The following RSF1 variants were observed in gnomAD, a reference collection of about 807,000 sequenced individuals.
RSF1 encodes the protein remodeling and spacing factor 1, also known as HBV pX-associated protein 8.
A neutral mutation model predicts 145.2 loss-of-function variants in RSF1; 13 were observed. The ratio of observed to expected loss-of-function variants is 0.09; its 90% CI spans 0.06 to 0.14. RSF1 has a LOEUF of 0.14. Among genes scored for constraint, RSF1 ranks in the 10% least tolerant of loss-of-function variants. The pLI, the probability that RSF1 is intolerant of heterozygous loss-of-function variation, is 1.00. For missense variants in RSF1, 1,517 were observed against 1,718.2 expected, an observed-to-expected ratio of 0.88 and a Z score of 2.07; for synonymous variants, 577 against 592.6, an observed-to-expected ratio of 0.97 and a Z score of 0.38.
At chr11:77,836,093 C>T in the RSF1 span, among the ~76,000 whole-genome samples, 1 of 152,046 alleles carries the variant, frequency 6.6e-6, no homozygotes, top group Non-Finnish European at 1.5e-5. Context: ...GATAACAGAT[C>T]TAAAATATCT....
At chr11:77,735,692 G>C (rs1318614550) in intron 4 of RSF1, among the ~76,000 whole-genome samples, 1 of 152,100 alleles carries the variant, frequency 6.6e-6, no homozygotes, top group Non-Finnish European at 1.5e-5. Flanking sequence ...AAAAGTCAAA[G>C]TCAAAATCTC....
At position 77,676,801 on chromosome 11, in the gene RSF1, A is replaced by T; in HGVS notation, c.3332T>A (p.Ile1111Asn). Residue 1111 changes from isoleucine (I) to asparagine (N), a missense_variant, in exon 13 of 16, where the codon ATC becomes AAC. Physicochemically the swap from Ile to Asn is moderately radical, Grantham distance 149. Transcript: ENST00000308488. The stretch of plus-strand genomic sequence containing the variant: ...GTAGGAGACCACACACCCATCACTG[A>T]TCTTGAATTCATCCTCGCTCTCTTC... ...DEEESEDEFK[I>N]SDGSQDEFVV... is the part of the protein sequence containing the mutation. 1 of 1,613,782 alleles carries T rather than the reference A, an allele frequency of 6.2e-7. No individual in the cohort carries two copies. Among genetic ancestry groups the T allele is most frequent in the Non-Finnish European group, 8.5e-7 (1 of 1,179,772 alleles).
intron 1 of RSF1, among the ~76,000 whole-genome samples, chr11:77,802,442 T>C (rs1022499550): frequency 2.6e-5 from 4 of 152,184 alleles, no homozygotes; most frequent in African/African-American, 9.7e-5. Context: ...TGCAGAGAAA[T>C]GGAAAATTGC....
At chr11:77,709,477 TCACCTG>T (rs202112002) in intron 5 of RSF1, among the ~76,000 whole-genome samples, 2,064 of 152,234 alleles carry the variant, frequency 0.014, 18 homozygotes, top group Non-Finnish European at 0.02. Context: ...AGGTGAAATA[TCACCTG>T]TGTCTAAGAG....
At chr11:77,672,542 G>C (rs1353353273) in intron 14 of RSF1, among the ~76,000 whole-genome samples, 5 of 150,678 alleles carry the variant, frequency 3.3e-5, no homozygotes, top group Admixed American at 2.0e-4. Context: ...CTACCAAAGT[G>C]TTGAGATTAC....
chr11:77,729,442 G>A (rs1011717790), intron 4 of RSF1, among the ~76,000 whole-genome samples: 9 of 151,968 alleles, frequency 5.9e-5, no homozygotes, highest in African/African-American at 1.2e-4. Context: ...AATGGAACAC[G>A]TCATCCTAAC....
chr11:77,729,606 G>T (rs1373490955), intron 4 of RSF1, among the ~76,000 whole-genome samples: 1 of 145,540 alleles, frequency 6.9e-6, no homozygotes, highest in Non-Finnish European at 1.5e-5. Flanking sequence ...AAAAAAAAAA[G>T]TCAAGTATAG....
At position 77,702,023 on chromosome 11, in the gene RSF1, A is replaced by G; in HGVS notation, c.1206T>C (p.Pro402=). 1 of 1,613,976 alleles carries G rather than the reference A, an allele frequency of 6.2e-7. No individual in the cohort carries two copies. Among genetic ancestry groups the G allele is most frequent in the Non-Finnish European group, 8.5e-7 (1 of 1,179,948 alleles). ...SDDFDSPVKG[P]LCKSVTPTKE... Reference sequence around the variant, plus strand: ...TTGTTGGAGTAACTGATTTACACAAAGGTCCCTTGACTGGACTGTCAAAAT... The same window carrying G: ...TTGTTGGAGTAACTGATTTACACAAGGGTCCCTTGACTGGACTGTCAAAAT... The change falls in exon 6 of 16, where the codon CCT becomes CCC. Residue 402 remains proline (P), a synonymous_variant. Transcript: ENST00000308488.
At chr11:77,819,238 A>C (rs1034523231) in intron 1 of RSF1, among the ~76,000 whole-genome samples, 2 of 152,236 alleles carry the variant, frequency 1.3e-5, no homozygotes, top group African/African-American at 4.8e-5. Flanking sequence ...TAATATGGAC[A>C]AAAAAAGAGA....
At chr11:77,677,792 T>C (rs892323994) in intron 12 of RSF1, among the ~76,000 whole-genome samples, 2 of 152,200 alleles carry the variant, frequency 1.3e-5, no homozygotes, top group African/African-American at 4.8e-5. Flanking sequence ...AACTGAAAAG[T>C]TTCCTCAGTT....
intron 4 of RSF1, among the ~76,000 whole-genome samples, chr11:77,737,621 GGTGTGTGTGT>G (rs1170824350): frequency 2.9e-4 from 27 of 93,544 alleles, no homozygotes; most frequent in African/African-American, 9.6e-4. Flanking sequence ...TGTTTTGGGG[GGTGTGTGTGT>G]GTGTGTGTGT....
chr11:77,790,429 G>A (rs376946728), intron 1 of RSF1, among the ~76,000 whole-genome samples: 1 of 151,954 alleles, frequency 6.6e-6, no homozygotes, highest in South Asian at 2.1e-4. Context: ...ATCTGGGTGG[G>A]GACACAGCCA....
chr11:77,749,806 T>C (rs1948041762), intron 2 of RSF1, among the ~76,000 whole-genome samples: 1 of 152,194 alleles, frequency 6.6e-6, no homozygotes, highest in African/African-American at 2.4e-5. Flanking sequence ...TGGAGTGCAG[T>C]GGTGCGATCT....
At chr11:77,828,396 G>A in the RSF1 span, among the ~76,000 whole-genome samples, 21 of 152,014 alleles carry the variant, frequency 1.4e-4, no homozygotes, top group African/African-American at 4.1e-4. Context: ...AGCCGGGTGC[G>A]GTGGCTCACA....
rs542010303 is a variant in RSF1, at chr11:77,779,353, A to C, written c.188-14664T>G. ...CTCCCTAGTAGCTAGGACTATAGGC[A>C]CACCACTATGCCTTGCTATTTCTAA... is the stretch of plus-strand genomic sequence containing the variant. On this transcript the variant is annotated intron_variant, in intron 1 of 15. Coordinates refer to ENST00000308488, the MANE Select transcript of RSF1 (RefSeq NM_016578.4). 2.0e-5 allele frequency among the ~76,000 whole-genome samples: 3 copies of C among 151,896 alleles called. No homozygotes were observed. The South Asian group carries it at 6.3e-4, about 32-fold the overall frequency.
At chr11:77,675,599 C>G (rs755542344) in intron 13 of RSF1, among the ~76,000 whole-genome samples, 1 of 152,184 alleles carries the variant, frequency 6.6e-6, no homozygotes, top group African/African-American at 2.4e-5. Context: ...ATCACTCATC[C>G]GGTAACTCCA....
chr11:77,781,046 T>C (rs1476565073), intron 1 of RSF1, among the ~76,000 whole-genome samples: 1 of 152,166 alleles, frequency 6.6e-6, no homozygotes, highest in Non-Finnish European at 1.5e-5. Flanking sequence ...AGTGTCCCTT[T>C]GTATGAATTT....
chr11:77,824,769 G>C (rs914683969), upstream of RSF1, among the ~76,000 whole-genome samples: 1 of 152,184 alleles, frequency 6.6e-6, no homozygotes, highest in African/African-American at 2.4e-5. Flanking sequence ...TCTATATCTT[G>C]ATTGGCAAGT....
At chr11:77,820,937 A>C, upstream of RSF1, 2 of 555,206 alleles carry the variant, frequency 3.6e-6, no homozygotes, top group Non-Finnish European at 6.3e-6. Flanking sequence ...GGCGCCTTTC[A>C]CTTTCCGCCC....
Sources: allele counts gnomAD v4.1 joint callset (sites outside exome capture counted in the v4.1 genomes callset), GRCh38; gene constraint gnomAD v4.1.1; transcripts MANE v1.5; gene names NCBI Gene and HGNC (gene_info 2026-07-23, HGNC 2026-07-21).